The following DLC1 variants were observed in gnomAD, a reference collection of about 807,000 sequenced individuals.
The protein encoded by DLC1 is rho GTPase-activating protein 7.
A neutral mutation model predicts 140.3 loss-of-function variants in DLC1; 54 were observed. The ratio of observed to expected loss-of-function variants is 0.38; its 90% CI spans 0.31 to 0.48. DLC1 has a LOEUF of 0.48. Among genes scored for constraint, DLC1 ranks in the 20% least tolerant of loss-of-function variants. The probability of loss-of-function intolerance (pLI) is 0.96; values close to 1 mark genes in which losing one functional copy is unlikely to be tolerated. For missense variants in DLC1, 2,536 were observed against 1,907.0 expected (o/e 1.33, Z -6.14); for synonymous variants, 986 against 728.1 (o/e 1.35, Z -5.70).
rs765201535 is a variant in DLC1 at position 13,305,348 on chromosome 8, T to C, written c.1315-46A>G. 5.9e-6 allele frequency: 9 copies of C among 1,525,924 alleles called. No homozygotes were observed. The South Asian group carries it at 1.2e-4, about 20-fold the overall frequency. 94.5% of individuals were successfully genotyped at this position (1,525,924 alleles called of 1,614,324 possible). A position where few individuals can be genotyped will look rare whatever the true frequency, so the allele number is the denominator to read the frequency against. ...ATTGTGGTATTATTAGGAAGAAACA[T>C]CAGAAAGCATCATTAGAAATAAAAC... On this transcript the variant is annotated intron_variant, in intron 4 of 17. Coordinates refer to ENST00000276297, the MANE Select transcript of DLC1 (RefSeq NM_182643.3).
chr8:13,133,040 C>G lies in DLC1; in HGVS notation c.1349-17383G>C, dbSNP rs766584426. ...GAAGTCGAGGCAGGCGGAGGCGGCT[C>G]GGCTTCCGCGTCGGGACCCACGGCG... On this transcript the variant is annotated intron_variant, in intron 5 of 17. Coordinates refer to ENST00000276297, the MANE Select transcript of DLC1 (RefSeq NM_182643.3). The G allele has an allele frequency of 6.3e-6, 10 of 1,576,956 alleles. No individual in the cohort carries two copies. In the Admixed American group the frequency reaches 1.7e-4, roughly 27 times the overall value.
At chr8:13,291,876 A>G (rs1481126500) in intron 5 of DLC1, among the ~76,000 whole-genome samples, 1 of 152,184 alleles carries the variant, frequency 6.6e-6, no homozygotes, top group East Asian at 1.9e-4. Flanking sequence ...AAAAGCTACC[A>G]TAGACGAAGC....
intron 5 of DLC1, among the ~76,000 whole-genome samples, chr8:13,126,836 G>A (rs997465976): frequency 6.6e-6 from 1 of 152,198 alleles, no homozygotes; most frequent in African/African-American, 2.4e-5. Flanking sequence ...ATAAAATAGT[G>A]TGCAAATTGC....
intron 4 of DLC1, among the ~76,000 whole-genome samples, chr8:13,344,313 G>T (rs1231856437): frequency 6.6e-6 from 1 of 152,112 alleles, no homozygotes; most frequent in Non-Finnish European, 1.5e-5. Context: ...GACCAACATG[G>T]TGAAACTTTG....
At chr8:13,199,058 T>A (rs896803927) in intron 5 of DLC1, among the ~76,000 whole-genome samples, 1 of 152,116 alleles carries the variant, frequency 6.6e-6, no homozygotes, top group Non-Finnish European at 1.5e-5. Context: ...AACATTTGCA[T>A]GTAATAGCAA....
At chr8:13,543,523 C>T (rs1270815959) in intron 1 of DLC1, among the ~76,000 whole-genome samples, 1 of 152,054 alleles carries the variant, frequency 6.6e-6, no homozygotes, top group Non-Finnish European at 1.5e-5. Flanking sequence ...CAACACAATT[C>T]ACAATTGCAG....
intron 5 of DLC1, among the ~76,000 whole-genome samples, chr8:13,246,771 T>C (rs1160022086): frequency 1.3e-5 from 2 of 152,150 alleles, no homozygotes; most frequent in Non-Finnish European, 2.9e-5. Context: ...TATCTGGAGA[T>C]AGTCTACAGA....
At chr8:13,326,207 T>C (rs938403359) in intron 4 of DLC1, among the ~76,000 whole-genome samples, 1 of 152,102 alleles carries the variant, frequency 6.6e-6, no homozygotes, top group East Asian at 1.9e-4. Context: ...TTATGAAAAA[T>C]GAGATCTAAG....
intron 4 of DLC1, among the ~76,000 whole-genome samples, chr8:13,319,475 G>GCGC (rs527612643): frequency 2.7e-5 from 3 of 109,764 alleles, no homozygotes; most frequent in Non-Finnish European, 5.7e-5. Flanking sequence ...CTGGCGGGGC[G>GCGC]GGGGGGGGGG....
At chr8:13,589,438 C>G (rs967910331) in intron 1 of DLC1, among the ~76,000 whole-genome samples, 1 of 152,080 alleles carries the variant, frequency 6.6e-6, no homozygotes, top group African/African-American at 2.4e-5. Flanking sequence ...GAGATAGGCA[C>G]TTTGTGGATA....
chr8:13,100,991 G>C (rs1472957969), intron 8 of DLC1: 1 of 462,124 alleles, frequency 2.2e-6, no homozygotes, highest in East Asian at 3.6e-5. Flanking sequence ...CTGACCTCAA[G>C]TGATCCTCCC....
rs550140047 is a variant in DLC1, at chr8:13,404,425, A to C, written c.1024-2806T>G. 2.7e-3 allele frequency among the ~76,000 whole-genome samples: 412 copies of C among 152,282 alleles called. 3 individuals carry two copies. Among genetic ancestry groups the C allele is most frequent in the African/African-American group, 9.6e-3 (400 of 41,564 alleles). ...GTCAGCTGGCATATGGTGACTCCGA[A>C]ACACACTGGGGTAGGGGGCCAGAAG... On this transcript the variant is annotated intron_variant, in intron 2 of 17. Coordinates refer to ENST00000276297, the MANE Select transcript of DLC1 (RefSeq NM_182643.3).
chr8:13,346,306 A>G (rs1834336524), intron 4 of DLC1, among the ~76,000 whole-genome samples: 1 of 152,210 alleles, frequency 6.6e-6, no homozygotes, highest in Non-Finnish European at 1.5e-5. Context: ...TATTAACCAT[A>G]TTTCAAGTCT....
intron 5 of DLC1, among the ~76,000 whole-genome samples, chr8:13,140,216 T>TTATATC (rs979672502): frequency 1.3e-5 from 2 of 152,310 alleles, no homozygotes; most frequent in South Asian, 2.1e-4. Context: ...CTTAACAAGT[T>TTATATC]TATATCTATA....
chr8:13,522,423 A>G (rs1291364921), intron 1 of DLC1, among the ~76,000 whole-genome samples: 1 of 151,994 alleles, frequency 6.6e-6, no homozygotes, highest in African/African-American at 2.4e-5. Flanking sequence ...TCAGGAGTTC[A>G]AGACCAGCCT....
chr8:13,562,706 C>A (rs923724065), intron 1 of DLC1, among the ~76,000 whole-genome samples: 1 of 152,084 alleles, frequency 6.6e-6, no homozygotes, highest in African/African-American at 2.4e-5. Context: ...ATAGTAATCT[C>A]ATTCCTAAAA....
At chr8:13,518,149 C>T (rs774483651), upstream of DLC1, among the ~76,000 whole-genome samples, 1 of 151,320 alleles carries the variant, frequency 6.6e-6, no homozygotes, top group South Asian at 2.1e-4. Flanking sequence ...GCTCTGTTGC[C>T]CAGGCTGGAG....
chr8:13,452,135 A>G (rs2116974933), intron 2 of DLC1, among the ~76,000 whole-genome samples: 1 of 151,982 alleles, frequency 6.6e-6, no homozygotes, highest in African/African-American at 2.4e-5. Flanking sequence ...AACTAGCAAC[A>G]TTTGAAGAGT....
intron 5 of DLC1, among the ~76,000 whole-genome samples, chr8:13,178,842 TATAA>T (rs1201921851): frequency 1.3e-5 from 2 of 151,926 alleles, no homozygotes; most frequent in African/African-American, 2.4e-5. Flanking sequence ...CTAGTAGGAG[TATAA>T]ATAAGTACAG....
Sources: gnomAD v4.1 joint callset for allele counts (sites outside exome capture counted in the v4.1 genomes callset) on GRCh38, gnomAD v4.1.1 for gene constraint, MANE v1.5 for transcripts, NCBI Gene and HGNC (gene_info 2026-07-23, HGNC 2026-07-21) for gene names.